DIP2C: variants seen among roughly 807,000 people sequenced by gnomAD.
The protein encoded by DIP2C is disco-interacting protein 2 homolog C.
A neutral mutation model predicts 192.4 loss-of-function variants in DIP2C; 33 were observed. The ratio of observed to expected loss-of-function variants is 0.17; its 90% CI spans 0.13 to 0.23. DIP2C has a LOEUF of 0.23. DIP2C is among the 10% of genes least tolerant of loss of function. DIP2C has a pLI of 1.00. For synonymous variants in DIP2C, 979 were observed against 864.1 expected (o/e 1.13, Z -2.33); for missense variants, 1,537 against 2,110.1 (o/e 0.73, Z 5.32).
At chr10:466,998 A>G (rs1418614133) in intron 3 of DIP2C, among the ~76,000 whole-genome samples, 5 of 150,856 alleles carry the variant, frequency 3.3e-5, no homozygotes, top group Non-Finnish European at 7.4e-5. Flanking sequence ...ATCTAGAACT[A>G]GAAATACCAT....
At chr10:536,912 A>T (rs370448688) in intron 1 of DIP2C, among the ~76,000 whole-genome samples, 5 of 152,178 alleles carry the variant, frequency 3.3e-5, no homozygotes, top group African/African-American at 1.2e-4. Flanking sequence ...CCAGTTCTTT[A>T]TTCTGTTTTT....
At chr10:359,963 A>G (rs754201665) in intron 22 of DIP2C, among the ~76,000 whole-genome samples, 2 of 152,212 alleles carry the variant, frequency 1.3e-5, no homozygotes, top group Non-Finnish European at 2.9e-5. Flanking sequence ...ATGCTGGGCA[A>G]GACGAGACGG....
intron 31 of DIP2C, among the ~76,000 whole-genome samples, chr10:320,956 C>T (rs1386069622): frequency 1.3e-5 from 2 of 152,084 alleles, no homozygotes; most frequent in East Asian, 1.9e-4. Context: ...GGGACCCGGG[C>T]GGAGCAGGAT....
At position 414,733 on chromosome 10, in the gene DIP2C, G is replaced by GTATA. The variant is rs1485973532; in HGVS notation, c.860-624_860-623insTATA. Among the ~76,000 whole-genome samples, 303 of 58,286 alleles carry GTATA rather than the reference G, an allele frequency of 5.2e-3. 8 individuals carry two copies. The highest frequency in any genetic ancestry group is 0.033 in the South Asian group (34 of 1,020). 38.2% of individuals were successfully genotyped at this position (58,286 alleles called of 152,430 possible). Reference sequence around the variant, plus strand: ...TGTGTGTGTGTGTGTGTGTGTGTGTGTGTGTGTACATATATATATATATAA... The same window carrying GTATA: ...TGTGTGTGTGTGTGTGTGTGTGTGTGTATATGTGTGTACATATATATATATATAA... On this transcript the variant is annotated intron_variant, in intron 7 of 36. Transcript: ENST00000280886.
chr10:424,454 C>T lies in DIP2C; in HGVS notation c.395-1421G>A, dbSNP rs183235450. 4.2e-3 allele frequency among the ~76,000 whole-genome samples: 612 copies of T among 145,562 alleles called. 2 individuals are homozygous for T. Among genetic ancestry groups the T allele is most frequent in the Non-Finnish European group, 5.8e-3 (388 of 66,926 alleles). On this transcript the variant is annotated intron_variant, in intron 4 of 36. Transcript: ENST00000280886. Reference sequence around the variant, plus strand: ...GATCTCAGCTCACAATAACCTCTCACTCCCTGGTTCAAGAGATTCTCCTGC... The same window carrying T: ...GATCTCAGCTCACAATAACCTCTCATTCCCTGGTTCAAGAGATTCTCCTGC...
Position 515,162 on chromosome 10 carries a change from A to G in DIP2C, c.86-28632T>C, listed in dbSNP as rs1041702800. Among the ~76,000 whole-genome samples, 6 of 152,222 alleles carry G rather than the reference A, an allele frequency of 3.9e-5. No individual in the cohort carries two copies. In the South Asian group the frequency reaches 6.2e-4, roughly 16 times the overall value. Reference sequence around the variant, plus strand: ...AAAAATGTCATCCAATTGGTTCTTTAAAGTGTTACAAATGCAGCTGAGTTT... The same window carrying G: ...AAAAATGTCATCCAATTGGTTCTTTGAAGTGTTACAAATGCAGCTGAGTTT... On this transcript the variant is annotated intron_variant, in intron 1 of 36. Transcript: ENST00000280886.
intron 1 of DIP2C, among the ~76,000 whole-genome samples, chr10:538,593 A>G (rs889949218): frequency 2.0e-4 from 30 of 152,190 alleles, no homozygotes; most frequent in African/African-American, 7.0e-4. Context: ...CTGTGCTCTC[A>G]GATCTAAGTC....
rs546812435 is a variant in DIP2C at position 570,171 on chromosome 10, T to C, written c.86-83641A>G. ...GGCACAAAGCAGCTCCAGCATTCCA[T>C]CCAGCCTGTCATTGCCACCATAGCT... On this transcript the variant is annotated intron_variant, in intron 1 of 36. Coordinates refer to ENST00000280886, the MANE Select transcript of DIP2C (RefSeq NM_014974.3). Among the ~76,000 whole-genome samples, 43 of 152,292 alleles carry C rather than the reference T, an allele frequency of 2.8e-4. 1 individual carries two copies. The South Asian group carries it at 8.1e-3, about 29-fold the overall frequency.
chr10:509,723 G>A (rs1190654019), intron 1 of DIP2C, among the ~76,000 whole-genome samples: 3 of 152,160 alleles, frequency 2.0e-5, no homozygotes, highest in Non-Finnish European at 4.4e-5. Flanking sequence ...GAGAAGGGCC[G>A]ACAAACCCCA....
intron 1 of DIP2C, among the ~76,000 whole-genome samples, chr10:525,267 T>G (rs1158831911): frequency 2.0e-5 from 3 of 152,210 alleles, no homozygotes; most frequent in African/African-American, 7.2e-5. Flanking sequence ...GAATTTGACT[T>G]CAGCAATTTC....
chr10:661,884 A>G (rs939035868), intron 1 of DIP2C: 4 of 603,370 alleles, frequency 6.6e-6, no homozygotes, highest in African/African-American at 3.7e-5. Flanking sequence ...TTTCCAGCAA[A>G]GCACAACGCC....
At position 598,122 on chromosome 10, in the gene DIP2C, C is replaced by G. The variant is rs373181484; in HGVS notation, c.85+91372G>C. Among the ~76,000 whole-genome samples, 108 of 152,334 alleles carry G rather than the reference C, an allele frequency of 7.1e-4. 1 individual carries two copies. The South Asian group carries it at 0.016, about 23-fold the overall frequency. On this transcript the variant is annotated intron_variant, in intron 1 of 36. Transcript: ENST00000280886. Reference sequence around the variant, plus strand: ...GACAAGGCTGATGGATCACGGCCTCCCACGAGGAAAGTGCCAGGCAAAGAG... The same window carrying G: ...GACAAGGCTGATGGATCACGGCCTCGCACGAGGAAAGTGCCAGGCAAAGAG...
chr10:461,268 G>A (rs1296847026), intron 3 of DIP2C, among the ~76,000 whole-genome samples: 1 of 152,206 alleles, frequency 6.6e-6, no homozygotes, highest in Non-Finnish European at 1.5e-5. Flanking sequence ...ACTGGATAGA[G>A]TCAAGACCCG....
chr10:585,423 C>T (rs965400562), intron 1 of DIP2C, among the ~76,000 whole-genome samples: 1 of 152,180 alleles, frequency 6.6e-6, no homozygotes, highest in Non-Finnish European at 1.5e-5. Flanking sequence ...TTCAGTAAAT[C>T]GCATTTGAAT....
intron 31 of DIP2C, among the ~76,000 whole-genome samples, chr10:321,020 G>A (rs1376126105): frequency 6.6e-6 from 1 of 152,036 alleles, no homozygotes; most frequent in Non-Finnish European, 1.5e-5. Flanking sequence ...TTATGAAGCA[G>A]GAAAGACTGC....
intron 1 of DIP2C, among the ~76,000 whole-genome samples, chr10:605,786 C>T (rs898810439): frequency 6.6e-6 from 1 of 152,246 alleles, no homozygotes; most frequent in African/African-American, 2.4e-5. Context: ...CTATGATACT[C>T]AACAAGGAAG....
chr10:493,926 G>A (rs1053357450), intron 1 of DIP2C, among the ~76,000 whole-genome samples: 6 of 152,328 alleles, frequency 3.9e-5, no homozygotes, highest in Admixed American at 6.5e-5. Context: ...GCCCAGTGCC[G>A]CCGTCCTACC....
chr10:530,123 G>A (rs955994400), intron 1 of DIP2C, among the ~76,000 whole-genome samples: 1 of 152,236 alleles, frequency 6.6e-6, no homozygotes, highest in East Asian at 1.9e-4. Context: ...GGAGCATCCC[G>A]GACATGCCAC....
intron 1 of DIP2C, among the ~76,000 whole-genome samples, chr10:545,861 C>G (rs116050231): frequency 1.4e-3 from 220 of 152,334 alleles, no homozygotes; most frequent in African/African-American, 5.0e-3. Flanking sequence ...TACAACCTTT[C>G]TCCATCAACA....
Sources: gnomAD v4.1 joint callset for allele counts (sites outside exome capture counted in the v4.1 genomes callset) on GRCh38, gnomAD v4.1.1 for gene constraint, MANE v1.5 for transcripts, NCBI Gene and HGNC (gene_info 2026-07-23, HGNC 2026-07-21) for gene names.